AGFG1: variants seen among roughly 807,000 people sequenced by gnomAD.
AGFG1 encodes the protein arf-GAP domain and FG repeat-containing protein 1.
AGFG1 carries 10 observed loss-of-function variants against 60.6 expected under a neutral mutation model. The observed-to-expected ratio is 0.16, with a 90% CI of 0.10 to 0.28. The LOEUF (loss-of-function observed/expected upper bound fraction) is 0.28, where lower values mean the gene tolerates loss of function less well. Ranked by LOEUF, AGFG1 falls within the 10% of genes least tolerant of loss-of-function variation. The pLI, the probability that AGFG1 is intolerant of heterozygous loss-of-function variation, is 1.00. For synonymous variants in AGFG1, 247 were observed against 242.9 expected (o/e 1.02, Z -0.16); for missense variants, 537 against 676.5 (o/e 0.79, Z 2.29).
chr2:227,472,660 C>G, intron 1 of AGFG1, 72 bp downstream of exon 1: 2 of 1,487,168 alleles, frequency 1.3e-6, no homozygotes, highest in South Asian at 2.5e-5. Context: ...GGGACCGGGA[C>G]CCTTCCGGGG....
chr2:227,542,232 A>T (rs531753812), intron 10 of AGFG1, among the ~76,000 whole-genome samples: 47 of 152,242 alleles, frequency 3.1e-4, no homozygotes, highest in African/African-American at 1.1e-3. Context: ...CATACCTGTC[A>T]TGTGCCAGTT....
chr2:227,502,496 A>G (rs1691188980), intron 2 of AGFG1, among the ~76,000 whole-genome samples: 2 of 151,496 alleles, frequency 1.3e-5, no homozygotes, highest in African/African-American at 4.8e-5. Context: ...AATTTTTTGT[A>G]ATTTAGTAGA....
chr2:227,559,553 A>T lies in AGFG1; in HGVS notation c.*5058A>T, dbSNP rs1693076513. ...GGGCTGTAGGGACTGATGAAAAGAG[A>T]ATGTTGTGATTTGAGCTTTTATAAA... is the stretch of plus-strand genomic sequence containing the variant. On this transcript the variant is annotated 3_prime_UTR_variant, in exon 13 of 13. Coordinates refer to ENST00000310078, the MANE Select transcript of AGFG1 (RefSeq NM_004504.5). 4 of 152,226 alleles carry T rather than the reference A, an allele frequency of 2.6e-5. No homozygotes were observed. In the South Asian group the frequency reaches 8.3e-4, roughly 32 times the overall value. The allele number at this position is 152,226 out of a possible 1,614,324, so 9.4% of individuals were successfully genotyped here.
At chr2:227,511,661 A>G (rs1451767851) in intron 2 of AGFG1, among the ~76,000 whole-genome samples, 3 of 152,178 alleles carry the variant, frequency 2.0e-5, no homozygotes, top group Admixed American at 6.5e-5. Flanking sequence ...GAGAATTTCT[A>G]TTGTGCATAC....
intron 2 of AGFG1, among the ~76,000 whole-genome samples, chr2:227,500,502 C>CT (rs1691121548): frequency 1.3e-5 from 2 of 152,160 alleles, no homozygotes; most frequent in South Asian, 4.1e-4. Context: ...TCCTAGGTAG[C>CT]TACAGCAAGA....
At chr2:227,543,613 A>G (rs1313416802) in intron 10 of AGFG1, among the ~76,000 whole-genome samples, 1 of 152,118 alleles carries the variant, frequency 6.6e-6, no homozygotes, top group Non-Finnish European at 1.5e-5. Context: ...ATGTGGTGCT[A>G]AGAGGAATGT....
intron 10 of AGFG1, among the ~76,000 whole-genome samples, chr2:227,538,678 C>T (rs1027115880): frequency 2.0e-5 from 3 of 152,284 alleles, no homozygotes; most frequent in Admixed American, 1.3e-4. Flanking sequence ...AGCATATGCT[C>T]AGTAAATCAG....
At chr2:227,504,617 A>G (rs1009668423) in intron 2 of AGFG1, among the ~76,000 whole-genome samples, 5 of 152,246 alleles carry the variant, frequency 3.3e-5, no homozygotes, top group African/African-American at 7.2e-5. Context: ...TAACTGTGCT[A>G]TACAAATGTT....
chr2:227,528,002 T>A (rs1489119773), intron 5 of AGFG1, among the ~76,000 whole-genome samples: 1 of 152,174 alleles, frequency 6.6e-6, no homozygotes, highest in Non-Finnish European at 1.5e-5. Context: ...TTCGTTTTCT[T>A]TCAATTTGAT....
At chr2:227,553,406 G>A (rs1293196796) in intron 11 of AGFG1, among the ~76,000 whole-genome samples, 1 of 151,728 alleles carries the variant, frequency 6.6e-6, no homozygotes, top group Non-Finnish European at 1.5e-5. Flanking sequence ...TGAGGTGGAA[G>A]GATCACCTGA....
Position 227,480,867 on chromosome 2 carries a change from A to G in AGFG1, c.167+8279A>G, listed in dbSNP as rs75557377. On this transcript the variant is annotated intron_variant, in intron 1 of 12. Coordinates refer to ENST00000310078, the MANE Select transcript of AGFG1 (RefSeq NM_004504.5). ...CTTCTTTTTAAAAATTAGTTTGCCTACATTCACAAAGGTGAAAATACTTTA... is the reference window on the plus strand; with the variant it reads ...CTTCTTTTTAAAAATTAGTTTGCCTGCATTCACAAAGGTGAAAATACTTTA... 2.0e-3 allele frequency among the ~76,000 whole-genome samples: 308 copies of G among 152,342 alleles called. 8 individuals carry two copies. The East Asian group carries it at 0.05, about 25-fold the overall frequency.
chr2:227,530,543 A>G (rs574190049), intron 5 of AGFG1, among the ~76,000 whole-genome samples: 1 of 152,126 alleles, frequency 6.6e-6, no homozygotes, highest in African/African-American at 2.4e-5. Flanking sequence ...TAGAATATGA[A>G]TATCTTCAAT....
chr2:227,526,995 C>G (rs538262669), intron 5 of AGFG1, among the ~76,000 whole-genome samples: 3 of 152,242 alleles, frequency 2.0e-5, no homozygotes, highest in South Asian at 4.1e-4. Context: ...AACAAGCATG[C>G]AAACCTTGCA....
intron 1 of AGFG1, among the ~76,000 whole-genome samples, chr2:227,485,432 A>T (rs1458072942): frequency 1.4e-5 from 2 of 143,146 alleles, no homozygotes; most frequent in Non-Finnish European, 1.5e-5. Flanking sequence ...TCCAGTAGAG[A>T]TGGGGTTTCA....
intron 3 of AGFG1, among the ~76,000 whole-genome samples, chr2:227,522,296 T>A (rs981865493): frequency 1.3e-5 from 2 of 152,258 alleles, no homozygotes; most frequent in African/African-American, 4.8e-5. Flanking sequence ...CAGGTGAGTC[T>A]TTTGAACCAA....
intron 1 of AGFG1, among the ~76,000 whole-genome samples, chr2:227,486,890 T>C (rs1211612820): frequency 6.6e-6 from 1 of 152,218 alleles, no homozygotes; most frequent in Non-Finnish European, 1.5e-5. Flanking sequence ...GCTACTGACA[T>C]TTAGTGAGTA....
intron 8 of AGFG1, among the ~76,000 whole-genome samples, chr2:227,536,357 A>C (rs1692313083): frequency 6.6e-6 from 1 of 152,160 alleles, no homozygotes; most frequent in South Asian, 2.1e-4. Context: ...TAGTGGCACC[A>C]AACTGTACTA....
chr2:227,513,159 G>A (rs1400220098), intron 2 of AGFG1, among the ~76,000 whole-genome samples: 4 of 152,164 alleles, frequency 2.6e-5, no homozygotes, highest in Non-Finnish European at 5.9e-5. Flanking sequence ...TTTTATATAT[G>A]AGTAATTGGG....
At chr2:227,551,129 C>G (rs923434413) in intron 10 of AGFG1, among the ~76,000 whole-genome samples, 1 of 152,124 alleles carries the variant, frequency 6.6e-6, no homozygotes, top group South Asian at 2.1e-4. Flanking sequence ...GTAATACCAG[C>G]GAGGCATGGC....
Sources: gnomAD v4.1 joint callset for allele counts (sites outside exome capture counted in the v4.1 genomes callset) on GRCh38, gnomAD v4.1.1 for gene constraint, MANE v1.5 for transcripts, NCBI Gene and HGNC (gene_info 2026-07-23, HGNC 2026-07-21) for gene names.